IL1RAPL2: variants seen among roughly 807,000 people sequenced by gnomAD.
IL1RAPL2 encodes interleukin 1 receptor accessory protein like 2.
Under a neutral mutation model 44.1 loss-of-function variants are expected in IL1RAPL2, and 3 were observed. That is an observed-to-expected ratio of 0.07 (90% confidence interval 0.03 to 0.18). The LOEUF is 0.18. Among genes scored for constraint, IL1RAPL2 ranks in the 10% least tolerant of loss-of-function variants. The probability of loss-of-function intolerance (pLI) is 1.00; values close to 1 mark genes in which losing one functional copy is unlikely to be tolerated. For synonymous variants in IL1RAPL2, 181 were observed against 178.8 expected (o/e 1.01, Z -0.10); for missense variants, 391 against 496.4 (o/e 0.79, Z 2.02).
intron 2 of IL1RAPL2, among the ~76,000 whole-genome samples, chrX:105,083,161 A>G (rs137863567): frequency 0.017 from 1,866 of 111,147 alleles, 40 homozygotes; most frequent in African/African-American, 0.058. Context: ...AGCATACACA[A>G]TTATCAATAG....
chrX:105,210,414 A>C, intron 3 of IL1RAPL2, among the ~76,000 whole-genome samples: 1 of 110,305 alleles, frequency 9.1e-6, no homozygotes, highest in South Asian at 3.9e-4. Context: ...CCCTGAGCCT[A>C]CCCTCCCTAG....
intron 5 of IL1RAPL2, among the ~76,000 whole-genome samples, chrX:105,343,967 T>C (rs1480334199): frequency 3.6e-5 from 4 of 110,067 alleles, no homozygotes; most frequent in Non-Finnish European, 7.6e-5. Context: ...TGATCTTGGC[T>C]CACTGTAATC....
Position 104,928,990 on chromosome X carries a change from C to T in IL1RAPL2, c.83-266485C>T, listed in dbSNP as rs765063280. On this transcript the variant is annotated intron_variant, in intron 2 of 10. Transcript: ENST00000372582. ...TTTATTTTCTTAAAGAAATAGTAAC[C>T]CTTCCTATTGGTATGTCAGGAAAAG... 2.7e-5 allele frequency among the ~76,000 whole-genome samples: 3 copies of T among 111,275 alleles called. No individual in the cohort carries two copies. In the South Asian group the frequency reaches 1.1e-3, roughly 42 times the overall value.
intron 2 of IL1RAPL2, among the ~76,000 whole-genome samples, chrX:104,818,155 G>C (rs1921191132): frequency 9.2e-6 from 1 of 108,748 alleles, no homozygotes; most frequent in Non-Finnish European, 1.9e-5. Context: ...AGGAGATCGA[G>C]ACCACGGTGA....
chrX:105,206,688 G>C (rs868957564), intron 3 of IL1RAPL2, among the ~76,000 whole-genome samples: 2 of 112,018 alleles, frequency 1.8e-5, no homozygotes, highest in African/African-American at 3.2e-5. Context: ...GAGATTCCAA[G>C]TTCATGAAAA....
chrX:104,884,470 A>G (rs1441396854), intron 2 of IL1RAPL2, among the ~76,000 whole-genome samples: 2 of 111,344 alleles, frequency 1.8e-5, no homozygotes, highest in Admixed American at 1.9e-4. Context: ...AACCATGGGC[A>G]ATTTTGTCTT....
At chrX:105,588,149 AT>A (rs2037142666) in intron 6 of IL1RAPL2, among the ~76,000 whole-genome samples, 1 of 110,845 alleles carries the variant, frequency 9.0e-6, no homozygotes, top group Non-Finnish European at 1.9e-5. Flanking sequence ...TTTCTTCATT[AT>A]TATTTTAATG....
intron 2 of IL1RAPL2, among the ~76,000 whole-genome samples, chrX:104,891,886 A>T (rs1569335549): frequency 1.8e-5 from 2 of 111,522 alleles, no homozygotes. Context: ...TTTCAAAGGG[A>T]ATGCTTCCAG....
intron 1 of IL1RAPL2, among the ~76,000 whole-genome samples, chrX:104,638,375 T>G (rs189245978): frequency 2.1e-3 from 230 of 111,710 alleles, no homozygotes; most frequent in Non-Finnish European, 2.7e-3. Flanking sequence ...TTAGTTCTGC[T>G]CTGATCTTTA....
At chrX:105,560,141 C>G (rs1015054517) in intron 6 of IL1RAPL2, among the ~76,000 whole-genome samples, 2 of 111,839 alleles carry the variant, frequency 1.8e-5, no homozygotes, top group African/African-American at 6.5e-5. Flanking sequence ...CTTGCCTGAA[C>G]TCTAGCAGTG....
chrX:105,573,311 A>G (rs1023269220), intron 6 of IL1RAPL2, among the ~76,000 whole-genome samples: 1 of 111,394 alleles, frequency 9.0e-6, no homozygotes, highest in Non-Finnish European at 1.9e-5. Flanking sequence ...CACCTGCTTC[A>G]GCCTCCCAAA....
intron 5 of IL1RAPL2, among the ~76,000 whole-genome samples, chrX:105,294,201 C>T (rs1199764440): frequency 9.0e-6 from 1 of 111,714 alleles, no homozygotes; most frequent in Non-Finnish European, 1.9e-5. Flanking sequence ...TTATCAAAAA[C>T]CTTGAGGTTA....
At chrX:105,724,173 T>C (rs1211606481) in intron 7 of IL1RAPL2, among the ~76,000 whole-genome samples, 1 of 110,806 alleles carries the variant, frequency 9.0e-6, no homozygotes, top group African/African-American at 3.3e-5. Flanking sequence ...CAACTTTTTA[T>C]TTCTTAGTTT....
intron 1 of IL1RAPL2, among the ~76,000 whole-genome samples, chrX:104,587,351 A>G (rs1011675059): frequency 4.5e-5 from 5 of 111,980 alleles, no homozygotes; most frequent in African/African-American, 1.6e-4. Context: ...ACATCTTGAC[A>G]TAGTAGTCCT....
intron 2 of IL1RAPL2, among the ~76,000 whole-genome samples, chrX:104,700,767 G>A (rs1009598090): frequency 1.7e-4 from 19 of 111,208 alleles, no homozygotes; most frequent in Non-Finnish European, 3.6e-4. Context: ...ACAAGGGAAT[G>A]GATATGGGCA....
At chrX:105,575,416 A>T (rs1349113259) in intron 6 of IL1RAPL2, among the ~76,000 whole-genome samples, 1 of 111,733 alleles carries the variant, frequency 8.9e-6, no homozygotes, top group Non-Finnish European at 1.9e-5. Context: ...AAGTGAGAAC[A>T]TGCAGTATTT....
chrX:104,767,231 C>T (rs749219608), intron 2 of IL1RAPL2, among the ~76,000 whole-genome samples: 3 of 111,980 alleles, frequency 2.7e-5, no homozygotes, highest in Admixed American at 9.5e-5. Flanking sequence ...TGAGAGGACT[C>T]CAAACTTCTT....
At chrX:104,836,269 T>C (rs1455685062) in intron 2 of IL1RAPL2, among the ~76,000 whole-genome samples, 1 of 109,565 alleles carries the variant, frequency 9.1e-6, no homozygotes, top group African/African-American at 3.3e-5. Context: ...CTGGGTAGGA[T>C]AGTGGGGGGC....
Position 105,224,706 on chromosome X carries a change from A to G in IL1RAPL2, c.357-9112A>G, listed in dbSNP as rs192730881. ...GCCAAACCTTTGTGAATTCTATGAT[A>G]GTAACTATGAAATAACATATTGACA... is the stretch of plus-strand genomic sequence containing the variant. On this transcript the variant is annotated intron_variant, in intron 3 of 10. Transcript: ENST00000372582. Among the ~76,000 whole-genome samples the G allele has an allele frequency of 8.0e-4, 90 of 112,321 alleles. 1 individual carries two copies. The highest frequency in any genetic ancestry group is 3.0e-4 in the Non-Finnish European group (16 of 53,232).
Sources: gnomAD v4.1 joint callset for allele counts (sites outside exome capture counted in the v4.1 genomes callset) on GRCh38, gnomAD v4.1.1 for gene constraint, MANE v1.5 for transcripts, NCBI Gene and HGNC (gene_info 2026-07-23, HGNC 2026-07-21) for gene names.